FDFT1: variants seen among roughly 807,000 people sequenced by gnomAD.
The protein encoded by FDFT1 is farnesyl-diphosphate farnesyltransferase 1.
A neutral mutation model predicts 46.8 loss-of-function variants in FDFT1; 68 were observed. The observed-to-expected ratio is 1.45, with a 90% CI of 1.19 to 1.78. The LOEUF is 1.78. Among genes scored for constraint, FDFT1 ranks in the 40% most tolerant of loss-of-function variants. The pLI is 0.00. For missense variants in FDFT1, 928 were observed against 524.4 expected, an observed-to-expected ratio of 1.77 and a Z score of -7.52; for synonymous variants, 351 against 185.1, an observed-to-expected ratio of 1.90 and a Z score of -7.28.
intron 2 of FDFT1, 24 bp downstream of exon 2, chr8:11,808,915 T>C: frequency 1.2e-6 from 2 of 1,608,504 alleles, no homozygotes; most frequent in Non-Finnish European, 1.7e-6. Flanking sequence ...GCAGCGCCTC[T>C]GGCTTGGAGG....
chr8:11,797,777 G>T (rs534361649), upstream of FDFT1, among the ~76,000 whole-genome samples: 10 of 152,300 alleles, frequency 6.6e-5, no homozygotes, highest in South Asian at 2.1e-3. Context: ...GTGGCAGGTG[G>T]CTAGGCAAGG....
chr8:11,809,513 A>G (rs1807400069), intron 2 of FDFT1, 154 bp from the exon 3 acceptor site: 3 of 1,319,130 alleles, frequency 2.3e-6, no homozygotes, highest in East Asian at 2.7e-5. Context: ...AACTAATGTA[A>G]CTTTCGTTAA....
chr8:11,802,241 C>A (rs1289766677), upstream of FDFT1: 2 of 384,042 alleles, frequency 5.2e-6, no homozygotes, highest in Admixed American at 6.6e-5. Context: ...GCTGGCCCGG[C>A]CTTTTCACGG....
intron 7 of FDFT1, among the ~76,000 whole-genome samples, chr8:11,835,564 G>C (rs1811424335): frequency 6.6e-6 from 1 of 152,076 alleles, no homozygotes; most frequent in Admixed American, 6.6e-5. Context: ...TCTCTAAAAG[G>C]GTTTTTGTTG....
intron 5 of FDFT1, among the ~76,000 whole-genome samples, chr8:11,826,913 A>G (rs1317582350): frequency 6.6e-6 from 1 of 152,358 alleles, no homozygotes; most frequent in East Asian, 1.9e-4. Flanking sequence ...ACGTCTACAC[A>G]GTACACACAG....
At chr8:11,810,966 T>G (rs903594619) in intron 3 of FDFT1, among the ~76,000 whole-genome samples, 1 of 148,530 alleles carries the variant, frequency 6.7e-6, no homozygotes, top group African/African-American at 2.5e-5. Context: ...AAAGGAATGT[T>G]TGGGGAAGAC....
At chr8:11,825,157 A>T (rs567041895) in intron 4 of FDFT1, among the ~76,000 whole-genome samples, 1 of 152,318 alleles carries the variant, frequency 6.6e-6, no homozygotes, top group South Asian at 2.1e-4. Context: ...AAAAAGATTA[A>T]ACCATAGTTG....
chr8:11,816,771 T>C (rs1018892657), intron 3 of FDFT1, among the ~76,000 whole-genome samples: 1 of 152,232 alleles, frequency 6.6e-6, no homozygotes, highest in Non-Finnish European at 1.5e-5. Context: ...GATTTAGGGC[T>C]GAGACGATGG....
At chr8:11,812,873 C>T (rs570039216) in intron 3 of FDFT1, among the ~76,000 whole-genome samples, 5 of 152,202 alleles carry the variant, frequency 3.3e-5, no homozygotes, top group African/African-American at 4.8e-5. Flanking sequence ...GTTAGGGGTT[C>T]GATTAGAGTA....
At chr8:11,809,302 G>T in intron 2 of FDFT1, 1 of 1,089,362 alleles carries the variant, frequency 9.2e-7, no homozygotes, top group Non-Finnish European at 1.1e-6. Context: ...ATGTATGATC[G>T]TATTTATACT....
chr8:11,837,591 G>T (rs866011105), intron 7 of FDFT1, among the ~76,000 whole-genome samples: 2 of 152,274 alleles, frequency 1.3e-5, no homozygotes, highest in East Asian at 1.9e-4. Context: ...CACTAGACAG[G>T]TGCAGTAGGT....
At chr8:11,836,101 C>G (rs1811504010) in intron 7 of FDFT1, among the ~76,000 whole-genome samples, 1 of 149,630 alleles carries the variant, frequency 6.7e-6, no homozygotes, top group Non-Finnish European at 1.5e-5. Context: ...TGCAGTGAGC[C>G]AAGATTGCAC....
chr8:11,838,163 G>C (rs1453133946), intron 7 of FDFT1, among the ~76,000 whole-genome samples: 2 of 152,224 alleles, frequency 1.3e-5, no homozygotes, highest in Non-Finnish European at 2.9e-5. Context: ...ATGCACACCT[G>C]TGCCTCCTGT....
Position 11,821,871 on chromosome 8 carries a change from G to C in FDFT1, c.503G>C (p.Trp168Ser). The change falls in exon 4 of 8, where the codon TGG (tryptophan) becomes TCG (serine). Residue 168 changes from tryptophan to serine, a missense_variant. Transcript: ENST00000220584. ...LDKHVTSEQE[W>S]DKYCHYVAGL... is the part of the protein sequence containing the mutation. ...AAGCATGTGACCTCTGAACAGGAGT[G>C]GGACAAGGTTAGTCTCATAAAACAG... 1 of 1,612,866 alleles carries C rather than the reference G, an allele frequency of 6.2e-7. No individual in the cohort carries two copies. The highest frequency in any genetic ancestry group is 8.5e-7 in the Non-Finnish European group (1 of 1,179,140).
chr8:11,808,392 C>T, intron 1 of FDFT1: 4 of 1,234,612 alleles, frequency 3.2e-6, no homozygotes, highest in Non-Finnish European at 4.0e-6. Context: ...GGCTGCGGGG[C>T]GGGCCCGTTG....
exon 1 of FDFT1, chr8:11,795,692 A>G (rs2686185): frequency 0.99 from 151,382 of 152,212 alleles, 75,288 homozygotes; most frequent in Middle Eastern, 1. Flanking sequence ...TAACACTCAC[A>G]GGGTAGGTTT....
At chr8:11,819,901 T>TACTA (rs1554522022) in intron 3 of FDFT1, among the ~76,000 whole-genome samples, 1 of 152,184 alleles carries the variant, frequency 6.6e-6, no homozygotes, top group East Asian at 1.9e-4. Context: ...GGTGAGGAGT[T>TACTA]ACGTTCCTTT....
Position 11,838,733 on chromosome 8 carries a change from C to G in FDFT1, c.*124C>G, listed in dbSNP as rs1811921515. ...TAATCCCTAAAAGAACGCTGTGTGGCTGGGACCTTTAGGAAAGTGAAATGC... is the reference window on the plus strand; with the variant it reads ...TAATCCCTAAAAGAACGCTGTGTGGGTGGGACCTTTAGGAAAGTGAAATGC... On this transcript the variant is annotated 3_prime_UTR_variant, in exon 8 of 8. Transcript: ENST00000220584. 2.5e-6 allele frequency: 2 copies of G among 793,060 alleles called. No homozygotes were observed. The highest frequency in any genetic ancestry group is 2.7e-5 in the East Asian group (1 of 37,628). 49.1% of individuals were successfully genotyped at this position (793,060 alleles called of 1,614,324 possible).
chr8:11,835,594 G>A (rs1244013421), intron 7 of FDFT1, among the ~76,000 whole-genome samples: 1 of 152,094 alleles, frequency 6.6e-6, no homozygotes, highest in Non-Finnish European at 1.5e-5. Flanking sequence ...ATTCACTTGG[G>A]TGCCAGCGAT....
Sources: gnomAD v4.1 joint callset for allele counts (sites outside exome capture counted in the v4.1 genomes callset) on GRCh38, gnomAD v4.1.1 for gene constraint, MANE v1.5 for transcripts, NCBI Gene and HGNC (gene_info 2026-07-23, HGNC 2026-07-21) for gene names.